Variants in KIRREL3 observed in about 807,000 individuals in gnomAD.
KIRREL3 encodes the protein kirre like nephrin family adhesion molecule 3.
KIRREL3 carries 36 observed loss-of-function variants against 89.7 expected under a neutral mutation model. The ratio of observed to expected loss-of-function variants is 0.40; its 90% CI spans 0.31 to 0.53. The LOEUF (loss-of-function observed/expected upper bound fraction) is 0.53. KIRREL3 is among the 20% of genes least tolerant of loss of function. KIRREL3 has a pLI of 0.49. For synonymous variants in KIRREL3, 445 were observed against 441.4 expected, an observed-to-expected ratio of 1.01 and a Z score of -0.10; for missense variants, 864 against 1,056.6, an observed-to-expected ratio of 0.82 and a Z score of 2.53.
chr11:126,738,515 G>A (rs1196764240), intron 1 of KIRREL3, among the ~76,000 whole-genome samples: 2 of 152,180 alleles, frequency 1.3e-5, no homozygotes, highest in African/African-American at 4.8e-5. Flanking sequence ...GAGTCCGTTA[G>A]TATTCAGACT....
chr11:126,787,355 G>T (rs1950514938), intron 1 of KIRREL3, among the ~76,000 whole-genome samples: 1 of 152,284 alleles, frequency 6.6e-6, no homozygotes, highest in South Asian at 2.1e-4. Flanking sequence ...CAATTTGATG[G>T]TATTTATTAT....
rs1290127756 is a variant in KIRREL3, at chr11:126,724,396, G to T, written c.56-161484C>A. Among the ~76,000 whole-genome samples the T allele has an allele frequency of 6.6e-6, 1 of 152,182 alleles. No homozygotes were observed. Among genetic ancestry groups the T allele is most frequent in the East Asian group, 1.9e-4 (1 of 5,196 alleles). On this transcript the variant is annotated intron_variant, in intron 1 of 16. Transcript: ENST00000525144. The surrounding 1 kb of genome is among the most constrained non-coding windows in gnomAD (Gnocchi z 4.3). Reference sequence around the variant, plus strand: ...ATGCACATGCAGACTTATTGTCATAGCTTGTATCTCTTATGGACAAGATGC... The same window carrying T: ...ATGCACATGCAGACTTATTGTCATATCTTGTATCTCTTATGGACAAGATGC...
At chr11:126,446,302 C>CTT (rs754506296) in intron 9 of KIRREL3, among the ~76,000 whole-genome samples, 130 of 145,948 alleles carry the variant, frequency 8.9e-4, no homozygotes, top group African/African-American at 3.2e-3. Flanking sequence ...TTCTTTCTTT[C>CTT]TCTCTCTCTC....
intron 1 of KIRREL3, among the ~76,000 whole-genome samples, chr11:126,735,557 A>G (rs1422546029): frequency 6.6e-6 from 1 of 152,210 alleles, no homozygotes; most frequent in African/African-American, 2.4e-5. Flanking sequence ...GATCTCAATA[A>G]TGTGCGTCGG....
rs138112843 is a variant in KIRREL3 at position 126,430,137 on chromosome 11, CAA to C, written c.1697-851_1697-850del. ...TGGGCAACAGGATGAGACTCTGTCT[CAA>C]AAAAAAAAAAGGAAATTCTTGAGGA... On this transcript the variant is annotated intron_variant, in intron 14 of 16. Transcript: ENST00000525144. The surrounding 1 kb of genome is among the most constrained non-coding windows in gnomAD (Gnocchi z 6.6). 2.4e-5 allele frequency among the ~76,000 whole-genome samples: 3 copies of C among 127,622 alleles called. No individual in the cohort carries two copies. The highest frequency in any genetic ancestry group is 8.2e-5 in the Admixed American group (1 of 12,188). The allele number at this position is 127,622 out of a possible 152,430, so 83.7% of individuals were successfully genotyped here.
At chr11:126,646,473 ATT>A (rs71279461) in intron 1 of KIRREL3, among the ~76,000 whole-genome samples, 27 of 127,348 alleles carry the variant, frequency 2.1e-4, no homozygotes, top group Admixed American at 1.7e-4. Flanking sequence ...TGCCCCAAGT[ATT>A]TTTTTTTTTT....
rs576280237 is a variant in KIRREL3, at chr11:126,562,054, C to G, written c.133+781G>C. Among the ~76,000 whole-genome samples, 4 of 152,322 alleles carry G rather than the reference C, an allele frequency of 2.6e-5. No homozygotes were observed. The highest frequency in any genetic ancestry group is 6.5e-5 in the Admixed American group (1 of 15,310). ...GGGAGCCAAGGCTTCATTTGTCTGA[C>G]TTTAATGAATAAATGGCATCCCCAG... On this transcript the variant is annotated intron_variant, in intron 2 of 16. Transcript: ENST00000525144. This position sits in a 1 kb window ranked among gnomAD's most constrained non-coding sequence, Gnocchi z 4.7.
chr11:126,925,110 G>A lies in KIRREL3; in HGVS notation c.55+75345C>T, dbSNP rs1051826605. Among the ~76,000 whole-genome samples, 22 of 137,284 alleles carry A rather than the reference G, an allele frequency of 1.6e-4. 2 individuals carry two copies. The East Asian group carries it at 3.1e-3, about 19-fold the overall frequency. The allele number at this position is 137,284 out of a possible 152,430, so 90.1% of individuals were successfully genotyped here. ...CCATAAAAAGGTCGGGGGGGGGGGG[G>A]GGCTGTTGGTCACAGGATTGTGCAA... On this transcript the variant is annotated intron_variant, in intron 1 of 16. Coordinates refer to ENST00000525144, the MANE Select transcript of KIRREL3 (RefSeq NM_032531.4).
At position 126,943,013 on chromosome 11, in the gene KIRREL3, T is replaced by A. The variant is rs1183415219; in HGVS notation, c.55+57442A>T. Among the ~76,000 whole-genome samples the A allele has an allele frequency of 1.3e-5, 2 of 152,190 alleles. No individual in the cohort carries two copies. Among genetic ancestry groups the A allele is most frequent in the Non-Finnish European group, 2.9e-5 (2 of 68,028 alleles). ...GGCTATATGACTGTGGAGAGGAACATTAAAAGATTTTATTCTAAGATATTC... is the reference window on the plus strand; with the variant it reads ...GGCTATATGACTGTGGAGAGGAACAATAAAAGATTTTATTCTAAGATATTC... On this transcript the variant is annotated intron_variant, in intron 1 of 16. Transcript: ENST00000525144. The surrounding 1 kb of genome is among the most constrained non-coding windows in gnomAD (Gnocchi z 4.2).
chr11:126,839,049 G>A (rs1352283990), intron 1 of KIRREL3, among the ~76,000 whole-genome samples: 1 of 152,194 alleles, frequency 6.6e-6, no homozygotes, highest in African/African-American at 2.4e-5. Flanking sequence ...TCTTCTGTAC[G>A]GGTCAGGGTG....
rs536442847 is a variant in KIRREL3 at position 126,530,838 on chromosome 11, C to CT, written c.134-4152dup. Among the ~76,000 whole-genome samples the CT allele has an allele frequency of 2.9e-3, 443 of 150,770 alleles. 3 individuals are homozygous for CT. Among genetic ancestry groups the CT allele is most frequent in the African/African-American group, 9.5e-3 (390 of 41,094 alleles). ...CTTCCCATACTTTATTTTTATTTTT[C>CT]TTTTTTTTTTGAGACGGAGTCTGAC... On this transcript the variant is annotated intron_variant, in intron 2 of 16. Transcript: ENST00000525144. This position sits in a 1 kb window ranked among gnomAD's most constrained non-coding sequence, Gnocchi z 5.8.
rs968713946 is a variant in KIRREL3 at position 126,844,633 on chromosome 11, G to C, written c.55+155822C>G. Among the ~76,000 whole-genome samples the C allele has an allele frequency of 2.6e-5, 4 of 152,176 alleles. No individual in the cohort carries two copies. Among genetic ancestry groups the C allele is most frequent in the Non-Finnish European group, 5.9e-5 (4 of 68,030 alleles). Reference sequence around the variant, plus strand: ...TTTGAGGCCCAACTTAGGAAGGTTAGAGTCCTTCCTAAGATTTAGGGAATT... The same window carrying C: ...TTTGAGGCCCAACTTAGGAAGGTTACAGTCCTTCCTAAGATTTAGGGAATT... On this transcript the variant is annotated intron_variant, in intron 1 of 16. Transcript: ENST00000525144. The surrounding 1 kb of genome is among the most constrained non-coding windows in gnomAD (Gnocchi z 4.8).
At position 126,933,134 on chromosome 11, in the gene KIRREL3, T is replaced by C. The variant is rs570389938; in HGVS notation, c.55+67321A>G. On this transcript the variant is annotated intron_variant, in intron 1 of 16. Coordinates refer to ENST00000525144, the MANE Select transcript of KIRREL3 (RefSeq NM_032531.4). ...AACAGAAAAAGACGTCCAAATTAAT[T>C]GGAAGGGAACAAACCATTTCTTCAC... Among the ~76,000 whole-genome samples, 6 of 152,288 alleles carry C rather than the reference T, an allele frequency of 3.9e-5. No homozygotes were observed. The South Asian group carries it at 6.2e-4, about 16-fold the overall frequency.
intron 2 of KIRREL3, among the ~76,000 whole-genome samples, chr11:126,532,788 C>T (rs1012893108): frequency 3.9e-5 from 6 of 151,908 alleles, no homozygotes; most frequent in East Asian, 3.9e-4. Flanking sequence ...AACACTGAAA[C>T]GGTTGAGGGT....
At chr11:126,886,921 G>A (rs555486226) in intron 1 of KIRREL3, among the ~76,000 whole-genome samples, 3 of 151,150 alleles carry the variant, frequency 2.0e-5, no homozygotes, top group Non-Finnish European at 4.4e-5. Context: ...TTTCAGAAAT[G>A]TCTCCTCAGG....
intron 1 of KIRREL3, among the ~76,000 whole-genome samples, chr11:126,842,811 C>A (rs1010697802): frequency 2.0e-5 from 3 of 152,216 alleles, no homozygotes; most frequent in Non-Finnish European, 4.4e-5. Flanking sequence ...TGGCCAATGT[C>A]CCTTTGAGCC....
intron 1 of KIRREL3, among the ~76,000 whole-genome samples, chr11:126,982,675 C>T (rs1949751071): frequency 6.6e-6 from 1 of 152,192 alleles, no homozygotes; most frequent in Admixed American, 6.5e-5. Context: ...TAGCCAGATC[C>T]TCAGCCAAAT....
In KIRREL3 at chr11:126,836,288, C is replaced by T. The variant is rs914065307; in HGVS notation, c.55+164167G>A. 2.0e-5 allele frequency among the ~76,000 whole-genome samples: 3 copies of T among 152,182 alleles called. No individual in the cohort carries two copies. The East Asian group carries it at 5.8e-4, about 29-fold the overall frequency. On this transcript the variant is annotated intron_variant, in intron 1 of 16. Coordinates refer to ENST00000525144, the MANE Select transcript of KIRREL3 (RefSeq NM_032531.4). ...GAGAGACCTATTCATTCTGATGGTTCAGTTGGCATAACTCACACAAAGATG... is the reference window on the plus strand; with the variant it reads ...GAGAGACCTATTCATTCTGATGGTTTAGTTGGCATAACTCACACAAAGATG...
At chr11:126,967,795 T>A (rs146295284) in intron 1 of KIRREL3, among the ~76,000 whole-genome samples, 1 of 152,246 alleles carries the variant, frequency 6.6e-6, no homozygotes, top group Non-Finnish European at 1.5e-5. Context: ...TCTGGAGATA[T>A]TTTTGCTTGT....
Sources: gnomAD v4.1 joint callset for allele counts (sites outside exome capture counted in the v4.1 genomes callset) on GRCh38, gnomAD v4.1.1 for gene constraint, Gnocchi (gnomAD v3.1) non-coding constraint, MANE v1.5 for transcripts, NCBI Gene and HGNC (gene_info 2026-07-23, HGNC 2026-07-21) for gene names.